The following AHRR variants were observed in gnomAD, a reference collection of about 807,000 sequenced individuals.
The protein encoded by AHRR is ahR repressor.
In AHRR, 28 loss-of-function variants were observed where a neutral mutation model predicts 44.0. The observed-to-expected ratio is 0.64, with a 90% confidence interval of 0.47 to 0.87. AHRR has a LOEUF of 0.87. AHRR is among the 40% of genes least tolerant of loss of function. The probability of loss-of-function intolerance (pLI) is 0.00; values close to 1 mark genes in which losing one functional copy is unlikely to be tolerated. For synonymous variants in AHRR, 434 were observed against 407.0 expected, an observed-to-expected ratio of 1.07 and a Z score of -0.80; for missense variants, 990 against 953.9, an observed-to-expected ratio of 1.04 and a Z score of -0.50.
chr5:434,747 C>T lies in AHRR; in HGVS notation c.2007C>T (p.Ser669=), dbSNP rs1254778853. Residue 669 remains serine (S), a synonymous_variant, in exon 11 of 11, where the codon AGC becomes AGT. Transcript: ENST00000684583. The part of the protein sequence containing the change: ...PLDSPQWATH[S]QGMVPGMLPK... ...ACTCACCCCAGTGGGCTACTCACAG[C>T]CAGGGAATGGTGCCCGGGATGTTGC... The T allele has an allele frequency of 6.4e-7, 1 of 1,568,160 alleles. No individual in the cohort carries two copies. The highest frequency in any genetic ancestry group is 8.6e-7 in the Non-Finnish European group (1 of 1,156,256).
intron 3 of AHRR, among the ~76,000 whole-genome samples, chr5:367,463 G>A (rs1743399305): frequency 1.3e-5 from 2 of 152,256 alleles, no homozygotes; most frequent in African/African-American, 4.8e-5. Flanking sequence ...ACGGGTCTGA[G>A]CTGCAGTGCG....
rs139059129 is a variant in AHRR at position 367,141 on chromosome 5, G to A, written c.245-9469G>A. Among the ~76,000 whole-genome samples, 1,179 of 152,326 alleles carry A rather than the reference G, an allele frequency of 7.7e-3. 25 individuals carry two copies. Among genetic ancestry groups the A allele is most frequent in the East Asian group, 0.032 (168 of 5,182 alleles). Reference sequence around the variant, plus strand: ...GAAAACTAAAATGGAGAAGTTGCAGGGTGTTTATATGAGCTCTAAAGTGAG... The same window carrying A: ...GAAAACTAAAATGGAGAAGTTGCAGAGTGTTTATATGAGCTCTAAAGTGAG... On this transcript the variant is annotated intron_variant, in intron 3 of 10. Coordinates refer to ENST00000684583, the MANE Select transcript of AHRR (RefSeq NM_001377236.1).
At chr5:333,499 G>A (rs973822270) in intron 1 of AHRR, among the ~76,000 whole-genome samples, 1 of 152,102 alleles carries the variant, frequency 6.6e-6, no homozygotes, top group Admixed American at 6.5e-5. Context: ...AGGAGGCTGG[G>A]GCAGGAGAGT....
intron 3 of AHRR, among the ~76,000 whole-genome samples, chr5:354,215 C>T (rs548417180): frequency 1.3e-5 from 2 of 152,208 alleles, no homozygotes; most frequent in African/African-American, 4.8e-5. Flanking sequence ...GCTGAAGCTG[C>T]GCAGCTGCTG....
intron 1 of AHRR, among the ~76,000 whole-genome samples, chr5:324,115 A>G (rs1433598729): frequency 6.7e-6 from 1 of 150,154 alleles, no homozygotes; most frequent in African/African-American, 2.5e-5. Flanking sequence ...GCTGGAGTGC[A>G]ATGGCGCTTT....
At chr5:339,562 T>C (rs1742260830) in intron 1 of AHRR, among the ~76,000 whole-genome samples, 1 of 152,256 alleles carries the variant, frequency 6.6e-6, no homozygotes, top group African/African-American at 2.4e-5. Flanking sequence ...CCCTGGCTAG[T>C]ACACAAATAA....
chr5:401,425 G>A (rs1305031861), intron 4 of AHRR, among the ~76,000 whole-genome samples: 1 of 152,186 alleles, frequency 6.6e-6, no homozygotes, highest in African/African-American at 2.4e-5. Context: ...GAAGGGGGTG[G>A]GATTGGCCCA....
Position 384,569 on chromosome 5 carries a change from G to A in AHRR, c.351+7853G>A, listed in dbSNP as rs528146394. Among the ~76,000 whole-genome samples, 39 of 152,022 alleles carry A rather than the reference G, an allele frequency of 2.6e-4. No individual in the cohort carries two copies. In the East Asian group the frequency reaches 3.1e-3, roughly 12 times the overall value. ...CTCCCGAGTGGCTGGGATTACAGGCGTGCACCACCATGCCCAGCTAACTTT... is the reference window on the plus strand; with the variant it reads ...CTCCCGAGTGGCTGGGATTACAGGCATGCACCACCATGCCCAGCTAACTTT... On this transcript the variant is annotated intron_variant, in intron 4 of 10. Transcript: ENST00000684583.
chr5:399,449 A>G (rs1734915406), intron 4 of AHRR, among the ~76,000 whole-genome samples: 1 of 152,226 alleles, frequency 6.6e-6, no homozygotes, highest in African/African-American at 2.4e-5. Flanking sequence ...CTAGAAAATG[A>G]CATCAACTTT....
At chr5:422,633 CA>C (rs1182477458) in intron 5 of AHRR, 95 bp from the exon 6 acceptor site, 16 of 1,542,496 alleles carry the variant, frequency 1.0e-5, no homozygotes, top group Non-Finnish European at 1.4e-5. Flanking sequence ...CTTGCTTTGA[CA>C]AGTGGAGTGG....
At chr5:403,535 C>T (rs970303912) in intron 4 of AHRR, among the ~76,000 whole-genome samples, 3 of 151,542 alleles carry the variant, frequency 2.0e-5, no homozygotes, top group African/African-American at 4.9e-5. Context: ...ACTCGGGAGG[C>T]TGCAGCAGGA....
At position 404,304 on chromosome 5, in the gene AHRR, T is replaced by C. The variant is rs1054492585; in HGVS notation, c.352-9040T>C. The C allele has an allele frequency of 6.1e-6, 3 of 492,870 alleles. No homozygotes were observed. Among genetic ancestry groups the C allele is most frequent in the Admixed American group, 4.7e-5 (2 of 42,298 alleles). 30.5% of individuals were successfully genotyped at this position (492,870 alleles called of 1,614,324 possible). On this transcript the variant is annotated intron_variant, in intron 4 of 10. Coordinates refer to ENST00000684583, the MANE Select transcript of AHRR (RefSeq NM_001377236.1). This position sits in a 1 kb window ranked among gnomAD's most constrained non-coding sequence, Gnocchi z 4.1. ...TCAAACATGTGAATAATTCGCTAATTTTTCTTCCAGTGTTACTAAAAGCTG... is the reference window on the plus strand; with the variant it reads ...TCAAACATGTGAATAATTCGCTAATCTTTCTTCCAGTGTTACTAAAAGCTG...
At chr5:421,365 G>A in intron 5 of AHRR, 1 of 668,310 alleles carries the variant, frequency 1.5e-6, no homozygotes, top group Non-Finnish European at 2.7e-6. Flanking sequence ...TCCACGTGGA[G>A]TCCGCGCACA....
chr5:407,305 G>A (rs1052992731), intron 4 of AHRR, among the ~76,000 whole-genome samples: 1 of 152,190 alleles, frequency 6.6e-6, no homozygotes, highest in Non-Finnish European at 1.5e-5. Context: ...ACTGAGGTGT[G>A]TCTTCCTATT....
intron 3 of AHRR, among the ~76,000 whole-genome samples, chr5:361,824 G>A (rs1487232115): frequency 6.6e-6 from 1 of 152,188 alleles, no homozygotes; most frequent in Admixed American, 6.5e-5. Context: ...AGGAGAAATT[G>A]TACCTTGAGT....
chr5:415,337 T>TCTGCTGGGAGGCCTA (rs1560915672), intron 5 of AHRR, among the ~76,000 whole-genome samples: 2 of 147,858 alleles, frequency 1.4e-5, no homozygotes, highest in Middle Eastern at 3.4e-3. Context: ...ATCTGCCTGG[T>TCTGCTGGGAGGCCTA]GGGGCGGGAG....
intron 1 of AHRR, among the ~76,000 whole-genome samples, chr5:324,932 C>G (rs1741652940): frequency 6.6e-6 from 1 of 152,238 alleles, no homozygotes; most frequent in Non-Finnish European, 1.5e-5. Context: ...TTATCTGCTT[C>G]TGGTGATTTT....
intron 3 of AHRR, 150 bp from the exon 4 acceptor site, chr5:376,460 C>A (rs1203309963): frequency 3.9e-4 from 5 of 12,920 alleles, no homozygotes; most frequent in Admixed American, 5.5e-3. Flanking sequence ...TGGAATGCTG[C>A]GTGGCCTGCA....
At chr5:407,085 C>T (rs1735291931) in intron 4 of AHRR, among the ~76,000 whole-genome samples, 2 of 152,188 alleles carry the variant, frequency 1.3e-5, no homozygotes, top group Non-Finnish European at 2.9e-5. Context: ...AGAGGCCTGA[C>T]AGTATTTCTT....
Sources: gnomAD v4.1 joint callset for allele counts (sites outside exome capture counted in the v4.1 genomes callset) on GRCh38, gnomAD v4.1.1 for gene constraint, Gnocchi (gnomAD v3.1) non-coding constraint, MANE v1.5 for transcripts, NCBI Gene and HGNC (gene_info 2026-07-23, HGNC 2026-07-21) for gene names.